Variants in PPP2R5C observed in about 807,000 individuals in gnomAD.
PPP2R5C encodes the protein serine/threonine-protein phosphatase 2A 56 kDa regulatory subunit gamma isoform.
A neutral mutation model predicts 68.9 loss-of-function variants in PPP2R5C; 7 were observed. The ratio of observed to expected loss-of-function variants is 0.10; its 90% CI spans 0.06 to 0.19. The LOEUF is 0.19. PPP2R5C is among the 10% of genes least tolerant of loss of function. The pLI is 1.00. For missense variants in PPP2R5C, 348 were observed against 641.3 expected (o/e 0.54, Z 4.94); for synonymous variants, 210 against 222.2 (o/e 0.95, Z 0.49).
intron 13 of PPP2R5C, chr14:101,922,346 G>A (rs566547319): frequency 3.3e-5 from 9 of 276,432 alleles, no homozygotes; most frequent in Admixed American, 6.5e-5. Flanking sequence ...AAAATTAGCC[G>A]GACGTGGTGG....
chr14:101,784,825 T>C (rs1033586858), intron 2 of PPP2R5C, among the ~76,000 whole-genome samples: 2 of 152,196 alleles, frequency 1.3e-5, no homozygotes, highest in African/African-American at 4.8e-5. Flanking sequence ...CTGTTGGCTG[T>C]CACTGCTGGA....
At position 101,844,503 on chromosome 14, in the gene PPP2R5C, T is replaced by C. The variant is rs142650283; in HGVS notation, c.95-12183T>C. Among the ~76,000 whole-genome samples, 42 of 152,292 alleles carry C rather than the reference T, an allele frequency of 2.8e-4. No homozygotes were observed. In the East Asian group the frequency reaches 5.6e-3, roughly 20 times the overall value. On this transcript the variant is annotated intron_variant, in intron 1 of 13. Transcript: ENST00000334743. ...TCCTGGCACACAGGCCGCATGCTCA[T>C]TGGGTTGTGTCTGTCACCGACCCTC...
intron 5 of PPP2R5C, among the ~76,000 whole-genome samples, chr14:101,889,010 TAAA>T (rs796892237): frequency 6.8e-6 from 1 of 146,598 alleles, no homozygotes; most frequent in Non-Finnish European, 1.5e-5. Context: ...CACTGCCATA[TAAA>T]AAAAAAAAAT....
chr14:101,882,464 C>T lies in PPP2R5C; in HGVS notation c.405+193C>T. The T allele has an allele frequency of 4.3e-6, 2 of 460,342 alleles. No individual in the cohort carries two copies. The highest frequency in any genetic ancestry group is 8.5e-5 in the South Asian group (2 of 23,662). 28.5% of individuals were successfully genotyped at this position (460,342 alleles called of 1,614,324 possible). ...ATGTGTGTGTTTGACCACTTTACAACAGCCAGTGAAGATGTGTAATTGTGA... is the reference window on the plus strand; with the variant it reads ...ATGTGTGTGTTTGACCACTTTACAATAGCCAGTGAAGATGTGTAATTGTGA... On this transcript the variant is annotated intron_variant, in intron 3 of 13. Coordinates refer to ENST00000334743, the Ensembl canonical transcript of PPP2R5C. The surrounding 1 kb of genome is among the most constrained non-coding windows in gnomAD (Gnocchi z 4.9).
At chr14:101,780,325 G>A (rs1031357076) in intron 2 of PPP2R5C, among the ~76,000 whole-genome samples, 3 of 152,154 alleles carry the variant, frequency 2.0e-5, no homozygotes, top group African/African-American at 7.2e-5. Flanking sequence ...GTTGTGATAT[G>A]TGCTGGTTCC....
intron 1 of PPP2R5C, among the ~76,000 whole-genome samples, chr14:101,849,834 A>T (rs2042048514): frequency 6.6e-6 from 1 of 152,018 alleles, no homozygotes; most frequent in Non-Finnish European, 1.5e-5. Context: ...TCAGGTGTCG[A>T]TTTATGCATG....
At chr14:101,780,868 T>C (rs527976654) in intron 2 of PPP2R5C, among the ~76,000 whole-genome samples, 3 of 152,102 alleles carry the variant, frequency 2.0e-5, no homozygotes, top group Non-Finnish European at 2.9e-5. Context: ...AAGGGGGAAG[T>C]TGGGGTCCAG....
intron 2 of PPP2R5C, among the ~76,000 whole-genome samples, chr14:101,763,294 A>G (rs922015603): frequency 6.6e-5 from 10 of 151,830 alleles, no homozygotes; most frequent in African/African-American, 2.4e-4. Context: ...ATCTCTGCTC[A>G]CTGCTACCCC....
chr14:101,818,887 T>A (rs61994044), intron 1 of PPP2R5C: 22,681 of 887,188 alleles, frequency 0.026, 393 homozygotes, highest in Non-Finnish European at 0.033. Context: ...GACCTCGTTA[T>A]AATACACATG....
chr14:101,807,768 A>G (rs2039133451), upstream of PPP2R5C, among the ~76,000 whole-genome samples: 1 of 151,960 alleles, frequency 6.6e-6, no homozygotes, highest in Non-Finnish European at 1.5e-5. Flanking sequence ...TAAATCACTA[A>G]TAAAGGCAAG....
intron 3 of PPP2R5C, among the ~76,000 whole-genome samples, chr14:101,803,629 C>A (rs529824205): frequency 6.6e-6 from 1 of 151,878 alleles, no homozygotes; most frequent in African/African-American, 2.4e-5. Context: ...GAGGCTGAGG[C>A]AGCAGAATCA....
chr14:101,925,297 G>A (rs778287363), exon 14 of PPP2R5C: 5 of 1,609,154 alleles, frequency 3.1e-6, no homozygotes, highest in South Asian at 1.1e-5. Context: ...CGTCGGGGCC[G>A]GGCCCGCCAG....
Position 101,904,198 on chromosome 14 carries a change from C to T in PPP2R5C, c.1024-2204C>T, listed in dbSNP as rs191319841. On this transcript the variant is annotated intron_variant, in intron 9 of 13. Coordinates refer to ENST00000334743, the Ensembl canonical transcript of PPP2R5C. ...TTTAGACAAAGTTTTGTGCTTGTTG[C>T]CCAAGCTAGAGTGCAATCTCAGCTC... Among the ~76,000 whole-genome samples the T allele has an allele frequency of 2.4e-3, 361 of 152,024 alleles. 3 individuals are homozygous for T. The highest frequency in any genetic ancestry group is 8.0e-3 in the African/African-American group (334 of 41,494).
intron 2 of PPP2R5C, among the ~76,000 whole-genome samples, chr14:101,880,380 A>G (rs1595455362): frequency 6.6e-6 from 1 of 152,200 alleles, no homozygotes; most frequent in Non-Finnish European, 1.5e-5. Flanking sequence ...CCCCTCTCAG[A>G]TGACACAGAG....
chr14:101,911,968 T>C (rs1192374965), intron 11 of PPP2R5C, among the ~76,000 whole-genome samples: 4 of 152,152 alleles, frequency 2.6e-5, no homozygotes, highest in African/African-American at 7.2e-5. Context: ...CCAGGTCTCC[T>C]GGCTCTTAAG....
chr14:101,818,711 G>T (rs2039865486), intron 1 of PPP2R5C: 1 of 252,054 alleles, frequency 4.0e-6, no homozygotes, highest in Non-Finnish European at 7.8e-6. Context: ...CCCTTTAGTT[G>T]TTTTTAAATG....
chr14:101,896,122 C>T (rs375458249), intron 8 of PPP2R5C, among the ~76,000 whole-genome samples: 4 of 152,028 alleles, frequency 2.6e-5, no homozygotes, highest in Admixed American at 6.6e-5. Context: ...TGGGTTCAAG[C>T]GATTCTCCTA....
chr14:101,827,996 G>C (rs1389709805), intron 1 of PPP2R5C, among the ~76,000 whole-genome samples: 1 of 152,038 alleles, frequency 6.6e-6, no homozygotes, highest in Admixed American at 6.5e-5. Context: ...TAGGATGATA[G>C]CCCAGTGTCA....
In PPP2R5C at chr14:101,887,466, C is replaced by G. The variant is rs2044601522; in HGVS notation, c.630-2771C>G. On this transcript the variant is annotated intron_variant, in intron 5 of 13. Coordinates refer to ENST00000334743, the Ensembl canonical transcript of PPP2R5C. ...GCTCAGTGGCTTCTGTCAGCATGGT[C>G]CATCACTCCTCACGATGCTGTCGTC... is the stretch of plus-strand genomic sequence containing the variant. Among the ~76,000 whole-genome samples the G allele has an allele frequency of 2.6e-5, 4 of 152,236 alleles. No homozygotes were observed. In the South Asian group the frequency reaches 8.3e-4, roughly 31 times the overall value.
Sources: allele counts gnomAD v4.1 joint callset (sites outside exome capture counted in the v4.1 genomes callset), GRCh38; gene constraint gnomAD v4.1.1; non-coding constraint Gnocchi (gnomAD v3.1); transcripts MANE v1.5; gene names NCBI Gene and HGNC (gene_info 2026-07-23, HGNC 2026-07-21).